JMJD1C: variants seen among roughly 807,000 people sequenced by gnomAD.
The protein encoded by JMJD1C is jumonji domain containing 1C.
A neutral mutation model predicts 245.3 loss-of-function variants in JMJD1C; 31 were observed. That is an observed-to-expected ratio of 0.13 (90% CI 0.09 to 0.17). The LOEUF (loss-of-function observed/expected upper bound fraction) is 0.17. JMJD1C is among the 10% of genes least tolerant of loss of function. The pLI is 1.00. For missense variants in JMJD1C, 2,691 were observed against 3,000.2 expected, an observed-to-expected ratio of 0.90 and a Z score of 2.41; for synonymous variants, 1,057 against 1,017.4, an observed-to-expected ratio of 1.04 and a Z score of -0.74.
chr10:63,417,993 C>G (rs1377294496), intron 1 of JMJD1C, among the ~76,000 whole-genome samples: 1 of 152,214 alleles, frequency 6.6e-6, no homozygotes, highest in East Asian at 1.9e-4. Context: ...AAAGAAAGAT[C>G]AACATTGAGA....
chr10:63,342,353 T>C (rs779398862), intron 2 of JMJD1C, among the ~76,000 whole-genome samples: 4 of 152,222 alleles, frequency 2.6e-5, no homozygotes, highest in Non-Finnish European at 5.9e-5. Flanking sequence ...CAAGAAATCA[T>C]GTCAGTTTAT....
chr10:63,200,020 A>G (rs6479888), intron 11 of JMJD1C, among the ~76,000 whole-genome samples: 150,012 of 152,272 alleles, frequency 0.99, 73,925 homozygotes, highest in Middle Eastern at 1. Context: ...AGGAACTAAG[A>G]GACAGAGATG....
At chr10:63,344,584 A>G (rs1347436633) in intron 2 of JMJD1C, among the ~76,000 whole-genome samples, 1 of 152,210 alleles carries the variant, frequency 6.6e-6, no homozygotes, top group African/African-American at 2.4e-5. Flanking sequence ...AAGAAATAAA[A>G]ACATAAACTT....
At chr10:63,459,181 A>G (rs566340752) in intron 1 of JMJD1C, among the ~76,000 whole-genome samples, 2 of 152,352 alleles carry the variant, frequency 1.3e-5, no homozygotes, top group East Asian at 3.9e-4. Flanking sequence ...TATTTCTCCT[A>G]TAAGAAATAC....
At chr10:63,379,682 C>T (rs889021987) in intron 2 of JMJD1C, among the ~76,000 whole-genome samples, 9 of 152,128 alleles carry the variant, frequency 5.9e-5, no homozygotes, top group African/African-American at 1.7e-4. Context: ...CAAAGTTGTT[C>T]CACGTGGCAT....
chr10:63,465,577 T>G lies in JMJD1C; in HGVS notation c.86A>C (p.Glu29Ala). The change falls in exon 1 of 26, where the codon GAG becomes GCG. Residue 29 changes from glutamate (E) to alanine (A), a missense_variant. This residue lies in a region of JMJD1C where 135 missense variants were observed against 115.5 expected (regional missense o/e 1.17). Coordinates refer to ENST00000399262, the MANE Select transcript of JMJD1C (RefSeq NM_032776.3). ...CCAGCTTCGCCAGCCGCGTCCGCTCTCCCAGCGCTCCGAACGTGCCTCGTC... is the reference window on the plus strand; with the variant it reads ...CCAGCTTCGCCAGCCGCGTCCGCTCGCCCAGCGCTCCGAACGTGCCTCGTC... Reference protein sequence around the residue: ...VGDEARSERWESGRGWRSWRA... With the variant: ...VGDEARSERWASGRGWRSWRA... 6.2e-7 allele frequency: 1 copy of G among 1,608,946 alleles called. No homozygotes were observed. Among genetic ancestry groups the G allele is most frequent in the South Asian group, 1.1e-5 (1 of 91,018 alleles).
At chr10:63,517,504 T>C (rs1367976498) in intron 1 of JMJD1C, among the ~76,000 whole-genome samples, 1 of 152,170 alleles carries the variant, frequency 6.6e-6, no homozygotes, top group African/African-American at 2.4e-5. Context: ...AGAATGTCCT[T>C]TGCCCTAAAT....
At chr10:63,480,120 T>C (rs1024169011) in intron 1 of JMJD1C, among the ~76,000 whole-genome samples, 6 of 152,180 alleles carry the variant, frequency 3.9e-5, no homozygotes, top group African/African-American at 9.7e-5. Flanking sequence ...ACTATATAGT[T>C]AGTTGTAGTC....
At chr10:63,324,436 T>C (rs1281757725) in intron 2 of JMJD1C, among the ~76,000 whole-genome samples, 1 of 152,182 alleles carries the variant, frequency 6.6e-6, no homozygotes, top group African/African-American at 2.4e-5. Context: ...AGTTAGGCCC[T>C]TGCTCCAAGA....
At chr10:63,430,197 A>G (rs1360751509) in intron 1 of JMJD1C, among the ~76,000 whole-genome samples, 1 of 152,212 alleles carries the variant, frequency 6.6e-6, no homozygotes, top group Non-Finnish European at 1.5e-5. Context: ...CTAACTCAAA[A>G]CAAATCAGAG....
At chr10:63,323,085 T>C (rs1371435869) in intron 2 of JMJD1C, among the ~76,000 whole-genome samples, 3 of 152,092 alleles carry the variant, frequency 2.0e-5, no homozygotes, top group East Asian at 3.8e-4. Context: ...ACTGCCGCCT[T>C]GGGCAAGACC....
intron 1 of JMJD1C, among the ~76,000 whole-genome samples, chr10:63,412,532 G>A (rs965975375): frequency 5.3e-5 from 8 of 152,182 alleles, no homozygotes; most frequent in African/African-American, 1.7e-4. Context: ...CGCAACATTT[G>A]AGTTCAACAC....
At chr10:63,263,982 A>ACACACACT (rs1554861364) in intron 3 of JMJD1C, among the ~76,000 whole-genome samples, 11 of 109,946 alleles carry the variant, frequency 1.0e-4, no homozygotes, top group African/African-American at 2.7e-4. Flanking sequence ...ACACACACAC[A>ACACACACT]CACACACACA....
intron 3 of JMJD1C, among the ~76,000 whole-genome samples, chr10:63,226,020 T>C (rs1051378260): frequency 2.1e-5 from 3 of 143,724 alleles, no homozygotes; most frequent in African/African-American, 7.7e-5. Flanking sequence ...TCTCTCTCAT[T>C]AGCACAATCA....
chr10:63,274,986 G>A (rs1169393857), intron 2 of JMJD1C, among the ~76,000 whole-genome samples: 1 of 152,054 alleles, frequency 6.6e-6, no homozygotes. Flanking sequence ...CTTGAGCCCA[G>A]GGAGTAGGAG....
intron 1 of JMJD1C, among the ~76,000 whole-genome samples, chr10:63,498,113 C>T (rs188115649): frequency 7.9e-5 from 12 of 152,214 alleles, no homozygotes; most frequent in South Asian, 2.1e-4. Context: ...AATCAAGAGT[C>T]AGATACTGAC....
At chr10:63,293,503 T>A (rs1429125656) in intron 2 of JMJD1C, among the ~76,000 whole-genome samples, 1 of 152,164 alleles carries the variant, frequency 6.6e-6, no homozygotes, top group East Asian at 1.9e-4. Flanking sequence ...TAATATTTGT[T>A]TTTCCTTCTT....
intron 23 of JMJD1C, chr10:63,177,480 G>C: frequency 2.0e-6 from 1 of 493,486 alleles, no homozygotes; most frequent in Non-Finnish European, 3.6e-6. Context: ...TATTAACAGG[G>C]AATGGAGGCA....
At chr10:63,221,074 C>T (rs1160460814) in intron 3 of JMJD1C, among the ~76,000 whole-genome samples, 3 of 147,688 alleles carry the variant, frequency 2.0e-5, no homozygotes, top group African/African-American at 7.5e-5. Context: ...CACACCACTG[C>T]ACTCCAGCCT....
Sources: gnomAD v4.1 joint callset for allele counts (sites outside exome capture counted in the v4.1 genomes callset) on GRCh38, gnomAD v4.1.1 for gene constraint, gnomAD v4.1.1 regional missense constraint, MANE v1.5 for transcripts, NCBI Gene and HGNC (gene_info 2026-07-23, HGNC 2026-07-21) for gene names.